Variants in CEP85L observed in about 807,000 individuals in gnomAD.
The protein encoded by CEP85L is centrosomal protein 85L, also known as centrosomal protein of 85 kDa-like.
Under a neutral mutation model 100.3 loss-of-function variants are expected in CEP85L, and 60 were observed. That is an observed-to-expected ratio of 0.60 (90% confidence interval 0.49 to 0.74). The LOEUF is 0.74. CEP85L is among the 30% of genes least tolerant of loss of function. CEP85L has a pLI of 0.00. For synonymous variants in CEP85L, 319 were observed against 322.7 expected (o/e 0.99, Z 0.12); for missense variants, 973 against 936.2 (o/e 1.04, Z -0.51).
At chr6:118,659,036 A>G (rs941288317) in intron 1 of CEP85L, among the ~76,000 whole-genome samples, 2 of 152,166 alleles carry the variant, frequency 1.3e-5, no homozygotes, top group Non-Finnish European at 2.9e-5. Flanking sequence ...GACTTTTTTT[A>G]CAAGCAAGAC....
intron 2 of CEP85L, among the ~76,000 whole-genome samples, chr6:118,625,679 A>AC (rs1205565723): frequency 2.0e-5 from 3 of 152,140 alleles, no homozygotes; most frequent in Admixed American, 6.5e-5. Flanking sequence ...ATTGCCGAAA[A>AC]AGTCCAGGAG....
intron 2 of CEP85L, among the ~76,000 whole-genome samples, chr6:118,575,047 A>G (rs914424663): frequency 6.6e-6 from 1 of 152,172 alleles, no homozygotes; most frequent in Non-Finnish European, 1.5e-5. Context: ...GTTGAGCCCC[A>G]TACACACACA....
At chr6:118,598,526 CAGAA>C (rs1475044292) in intron 2 of CEP85L, among the ~76,000 whole-genome samples, 1 of 152,070 alleles carries the variant, frequency 6.6e-6, no homozygotes, top group Non-Finnish European at 1.5e-5. Flanking sequence ...GATATGAAGA[CAGAA>C]AGCTCAGGGA....
intron 3 of CEP85L, among the ~76,000 whole-genome samples, chr6:118,553,741 A>G (rs1183243930): frequency 6.6e-6 from 1 of 152,172 alleles, no homozygotes; most frequent in African/African-American, 2.4e-5. Flanking sequence ...AAGTATGTTA[A>G]CTATGCTTTA....
At chr6:118,589,658 G>A (rs575945842) in intron 2 of CEP85L, 1 of 288,570 alleles carries the variant, frequency 3.5e-6, no homozygotes, top group Non-Finnish European at 7.0e-6. Context: ...GGGATAGGAT[G>A]CAAGCCCATG....
intron 2 of CEP85L, among the ~76,000 whole-genome samples, chr6:118,572,147 C>A (rs1779928749): frequency 6.6e-6 from 1 of 152,018 alleles, no homozygotes; most frequent in Non-Finnish European, 1.5e-5. Flanking sequence ...GAAGCCACCA[C>A]TCCTGGCCCA....
chr6:118,492,827 G>A (rs1774663568), intron 5 of CEP85L, among the ~76,000 whole-genome samples: 2 of 152,134 alleles, frequency 1.3e-5, no homozygotes, highest in Non-Finnish European at 1.5e-5. Context: ...ATAGTTACAT[G>A]TGCAGTAGCT....
At chr6:118,658,073 A>G (rs979259931) in intron 1 of CEP85L, among the ~76,000 whole-genome samples, 2 of 152,192 alleles carry the variant, frequency 1.3e-5, no homozygotes, top group East Asian at 1.9e-4. Context: ...AACAATCCCT[A>G]GAGGAATCTG....
At chr6:118,690,216 T>C (rs540606846) in intron 1 of CEP85L, among the ~76,000 whole-genome samples, 121 of 152,358 alleles carry the variant, frequency 7.9e-4, no homozygotes, top group African/African-American at 2.8e-3. Context: ...TGCTTATGAC[T>C]GAAACAATCT....
chr6:118,655,426 G>T (rs1424752731), upstream of CEP85L, among the ~76,000 whole-genome samples: 2 of 152,234 alleles, frequency 1.3e-5, no homozygotes, highest in Non-Finnish European at 2.9e-5. Context: ...TGACATCTTT[G>T]TCAATGGAAC....
rs1351296845 is a variant in CEP85L, at chr6:118,461,815, T to C, written c.*3590A>G. ...TCAAATGATATAGTCTGAGTGAGCATGGTTATGAAAATTGCTTATTACCAT... is the reference window on the plus strand; with the variant it reads ...TCAAATGATATAGTCTGAGTGAGCACGGTTATGAAAATTGCTTATTACCAT... On this transcript the variant is annotated 3_prime_UTR_variant, in exon 13 of 13. Coordinates refer to ENST00000368491, the MANE Select transcript of CEP85L (RefSeq NM_001042475.3). The C allele has an allele frequency of 6.6e-6, 1 of 152,074 alleles. No individual in the cohort carries two copies. The highest frequency in any genetic ancestry group is 1.5e-5 in the Non-Finnish European group (1 of 67,926). The allele number at this position is 152,074 out of a possible 1,614,324, so 9.4% of individuals were successfully genotyped here.
intron 4 of CEP85L, among the ~76,000 whole-genome samples, chr6:118,513,128 T>C (rs1295393051): frequency 2.6e-5 from 4 of 151,524 alleles, no homozygotes; most frequent in African/African-American, 9.7e-5. Flanking sequence ...AGAAACTATC[T>C]AAAAAGAAAC....
chr6:118,671,503 T>G (rs184644994), intron 1 of CEP85L, among the ~76,000 whole-genome samples: 4 of 152,100 alleles, frequency 2.6e-5, no homozygotes, highest in Non-Finnish European at 5.9e-5. Flanking sequence ...GAAATAAAAT[T>G]TTATCAGTGA....
chr6:118,646,431 G>C (rs1045956662), intron 1 of CEP85L, among the ~76,000 whole-genome samples: 1 of 152,038 alleles, frequency 6.6e-6, no homozygotes, highest in Non-Finnish European at 1.5e-5. Context: ...CACTCTCGGA[G>C]GCCAAGGCAG....
intron 2 of CEP85L, among the ~76,000 whole-genome samples, chr6:118,607,977 AG>A (rs1772346110): frequency 6.6e-6 from 1 of 152,170 alleles, no homozygotes; most frequent in Non-Finnish European, 1.5e-5. Flanking sequence ...CGTGCAAGAA[AG>A]AAGTCAGGGC....
At chr6:118,594,510 T>A (rs1781359996) in intron 2 of CEP85L, among the ~76,000 whole-genome samples, 1 of 152,188 alleles carries the variant, frequency 6.6e-6, no homozygotes, top group Admixed American at 6.5e-5. Flanking sequence ...ACACTATCTG[T>A]ACCTTTTTAA....
At chr6:118,530,280 G>A (rs769548816) in intron 3 of CEP85L, among the ~76,000 whole-genome samples, 5 of 150,070 alleles carry the variant, frequency 3.3e-5, no homozygotes, top group South Asian at 2.1e-4. Context: ...AACTAAAACC[G>A]GAATTAATAT....
At chr6:118,545,276 T>C (rs1778129789) in intron 3 of CEP85L, among the ~76,000 whole-genome samples, 1 of 152,158 alleles carries the variant, frequency 6.6e-6, no homozygotes. Context: ...ACTACATACA[T>C]CACAGTGCCC....
intron 3 of CEP85L, among the ~76,000 whole-genome samples, chr6:118,534,270 T>A (rs991854704): frequency 6.6e-6 from 1 of 152,180 alleles, no homozygotes; most frequent in African/African-American, 2.4e-5. Flanking sequence ...AAAAATGTAT[T>A]ATCATTTACA....
Sources: gnomAD v4.1 joint callset for allele counts (sites outside exome capture counted in the v4.1 genomes callset) on GRCh38, gnomAD v4.1.1 for gene constraint, MANE v1.5 for transcripts, NCBI Gene and HGNC (gene_info 2026-07-23, HGNC 2026-07-21) for gene names.